The following DIP2B variants were observed in gnomAD, a reference collection of about 807,000 sequenced individuals.
DIP2B encodes disco-interacting protein 2 homolog B.
Under a neutral mutation model 198.0 loss-of-function variants are expected in DIP2B, and 76 were observed. That is an observed-to-expected ratio of 0.38 (90% confidence interval 0.32 to 0.46). The LOEUF (loss-of-function observed/expected upper bound fraction) is 0.46, where lower values mean the gene tolerates loss of function less well. Ranked by LOEUF, DIP2B falls within the 20% of genes least tolerant of loss-of-function variation. The pLI, the probability that DIP2B is intolerant of heterozygous loss-of-function variation, is 0.99. For synonymous variants in DIP2B, 701 were observed against 739.1 expected, an observed-to-expected ratio of 0.95 and a Z score of 0.84; for missense variants, 1,559 against 1,978.4, an observed-to-expected ratio of 0.79 and a Z score of 4.02.
In DIP2B at chr12:50,678,808, C is replaced by G. The variant is rs58366731; in HGVS notation, c.1046C>G (p.Thr349Ser). ...TCTGCCCTGCAGCGCTGGGGTACCA[C>G]TCAAGCAAAATGCTCCTGTCTGACT... ...LESALQRWGT[T>S]QAKCSCLTAL... The change falls in exon 8 of 38, where the codon ACT (threonine) becomes AGT (serine). Residue 349 changes from threonine to serine, a missense_variant. By Grantham distance (58) the Thr-to-Ser change is moderately conservative (BLOSUM62 1). Coordinates refer to ENST00000301180, the MANE Select transcript of DIP2B (RefSeq NM_173602.3). 3.4e-3 allele frequency: 5,544 copies of G among 1,614,194 alleles called. 188 individuals carry two copies. In the African/African-American group the frequency reaches 0.065, roughly 19 times the overall value.
At chr12:50,726,839 G>T (rs1939945361) in intron 28 of DIP2B, among the ~76,000 whole-genome samples, 1 of 152,070 alleles carries the variant, frequency 6.6e-6, no homozygotes, top group Non-Finnish European at 1.5e-5. Context: ...TTAGCCAGGT[G>T]CAGTGGCTCA....
intron 1 of DIP2B, among the ~76,000 whole-genome samples, chr12:50,553,488 C>G (rs960593929): frequency 6.6e-6 from 1 of 152,116 alleles, no homozygotes; most frequent in African/African-American, 2.4e-5. Context: ...CTGTATGTTG[C>G]AGGTCAGTTT....
intron 1 of DIP2B, among the ~76,000 whole-genome samples, chr12:50,556,580 G>T (rs968176951): frequency 2.0e-5 from 3 of 147,748 alleles, no homozygotes; most frequent in African/African-American, 7.5e-5. Context: ...TTGAGATGGA[G>T]TCTCGCCCTG....
In DIP2B at chr12:50,576,366, A is replaced by C. The variant is rs35895556; in HGVS notation, c.101-49610A>C. ...ACAGATGTGAGCCACTGCACCCAGC[A>C]TTTTTTTTTTTTACATTTTTAAATG... On this transcript the variant is annotated intron_variant, in intron 1 of 37. Transcript: ENST00000301180. Among the ~76,000 whole-genome samples the C allele has an allele frequency of 1.6e-3, 235 of 149,574 alleles. 3 individuals are homozygous for C. Among genetic ancestry groups the C allele is most frequent in the South Asian group, 3.6e-3 (17 of 4,788 alleles).
At chr12:50,606,124 T>C (rs1052066987) in intron 1 of DIP2B, among the ~76,000 whole-genome samples, 15 of 152,060 alleles carry the variant, frequency 9.9e-5, no homozygotes, top group Admixed American at 7.9e-4. Flanking sequence ...CACCTGGCCT[T>C]TCTTTTCTTT....
intron 1 of DIP2B, among the ~76,000 whole-genome samples, chr12:50,548,179 G>C (rs113636765): frequency 1.3e-4 from 20 of 152,200 alleles, no homozygotes; most frequent in African/African-American, 4.8e-4. Context: ...TTAGAGTAAG[G>C]AACTTTTACT....
chr12:50,734,476 G>T (rs1327889021), intron 33 of DIP2B, among the ~76,000 whole-genome samples: 2 of 152,142 alleles, frequency 1.3e-5, no homozygotes, highest in African/African-American at 4.8e-5. Flanking sequence ...AACTAAAATG[G>T]ATAGTCTCTT....
At chr12:50,552,357 C>G (rs923362285) in intron 1 of DIP2B, among the ~76,000 whole-genome samples, 3 of 151,654 alleles carry the variant, frequency 2.0e-5, no homozygotes, top group East Asian at 1.9e-4. Context: ...AAGCTCCCCT[C>G]CCGGGTTCAT....
intron 20 of DIP2B, among the ~76,000 whole-genome samples, chr12:50,705,300 G>A (rs374441778): frequency 5.3e-5 from 8 of 152,226 alleles, no homozygotes; most frequent in African/African-American, 1.7e-4. Context: ...GGCAGGGTGG[G>A]TGAGGACATA....
intron 7 of DIP2B, 74 bp downstream of exon 7, chr12:50,675,522 T>G (rs1354174908): frequency 7.0e-7 from 1 of 1,419,164 alleles, no homozygotes; most frequent in African/African-American, 1.4e-5. Flanking sequence ...TGTTAGGTAC[T>G]GTAGGGTTAA....
intron 1 of DIP2B, among the ~76,000 whole-genome samples, chr12:50,560,744 C>G (rs1958512776): frequency 6.6e-6 from 1 of 151,966 alleles, no homozygotes; most frequent in Admixed American, 6.6e-5. Context: ...GAGTGAGACC[C>G]TGTCTCAAAA....
intron 1 of DIP2B, among the ~76,000 whole-genome samples, chr12:50,541,302 ATTT>A (rs201096036): frequency 2.7e-5 from 4 of 150,790 alleles, no homozygotes; most frequent in African/African-American, 9.8e-5. Flanking sequence ...TTATTTATTT[ATTT>A]TTTATCTAAT....
At position 50,708,887 on chromosome 12, in the gene DIP2B, C is replaced by T. The variant is rs115657074; in HGVS notation, c.2649+325C>T. 2.9e-3 allele frequency among the ~76,000 whole-genome samples: 442 copies of T among 152,338 alleles called. 4 individuals carry two copies. The highest frequency in any genetic ancestry group is 0.01 in the African/African-American group (420 of 41,568). ...AGTAATCAATCCACTTGTCAACAGT[C>T]AGTCACAGTTTTACTGTGTGTCATA... On this transcript the variant is annotated intron_variant, in intron 22 of 37. Transcript: ENST00000301180.
At chr12:50,721,108 C>G (rs1939828146) in intron 25 of DIP2B, among the ~76,000 whole-genome samples, 165 bp from the exon 26 acceptor site, 1 of 152,148 alleles carries the variant, frequency 6.6e-6, no homozygotes, top group Admixed American at 6.5e-5. Context: ...CCTGTCCAGC[C>G]CCACACGTCT....
At chr12:50,684,318 T>C (rs1450352742) in intron 10 of DIP2B, among the ~76,000 whole-genome samples, 1 of 152,190 alleles carries the variant, frequency 6.6e-6, no homozygotes, top group Non-Finnish European at 1.5e-5. Context: ...ACATGTTACT[T>C]CTCTGGATTA....
intron 11 of DIP2B, 46 bp downstream of exon 11, chr12:50,686,002 G>A (rs1450213807): frequency 1.3e-6 from 2 of 1,581,640 alleles, no homozygotes; most frequent in East Asian, 4.5e-5. Context: ...TTAAAACTGA[G>A]TGCTTTAATT....
rs1461713520 is a variant in DIP2B, at chr12:50,655,048, C to G, written c.302-5146C>G. On this transcript the variant is annotated intron_variant, in intron 3 of 37. Transcript: ENST00000301180. Reference sequence around the variant, plus strand: ...TCAGAATTTACTCTGAAGGTAAGCCCTGATTAGTGTAAAAATATATTTGCA... The same window carrying G: ...TCAGAATTTACTCTGAAGGTAAGCCGTGATTAGTGTAAAAATATATTTGCA... 1.6e-5 allele frequency: 7 copies of G among 446,820 alleles called. No individual in the cohort carries two copies. The East Asian group carries it at 4.2e-4, about 27-fold the overall frequency. The allele number at this position is 446,820 out of a possible 1,614,324, so 27.7% of individuals were successfully genotyped here.
At chr12:50,657,610 A>C (rs890767594) in intron 3 of DIP2B, among the ~76,000 whole-genome samples, 2 of 152,094 alleles carry the variant, frequency 1.3e-5, no homozygotes. Flanking sequence ...TGGGCAATGT[A>C]GTGACACCCC....
intron 13 of DIP2B, among the ~76,000 whole-genome samples, 197 bp downstream of exon 13, chr12:50,691,348 A>G (rs186036108): frequency 7.2e-5 from 11 of 152,382 alleles, no homozygotes; most frequent in Non-Finnish European, 1.3e-4. Context: ...TGGGCAAACC[A>G]AAATGTAAAG....
Sources: allele counts gnomAD v4.1 joint callset (sites outside exome capture counted in the v4.1 genomes callset), GRCh38; gene constraint gnomAD v4.1.1; transcripts MANE v1.5; gene names NCBI Gene and HGNC (gene_info 2026-07-23, HGNC 2026-07-21).